Variants in FRMD4A observed in about 807,000 individuals in gnomAD.
The protein encoded by FRMD4A is FERM domain containing 4A, also known as FERM domain-containing protein 4A.
FRMD4A carries 29 observed loss-of-function variants against 129.1 expected under a neutral mutation model. The ratio of observed to expected loss-of-function variants is 0.22; its 90% confidence interval spans 0.17 to 0.31. FRMD4A has a LOEUF of 0.31. Ranked by LOEUF, FRMD4A falls within the 10% of genes least tolerant of loss-of-function variation. The probability of loss-of-function intolerance (pLI) is 1.00; values close to 1 mark genes in which losing one functional copy is unlikely to be tolerated. For synonymous variants in FRMD4A, 634 were observed against 571.6 expected, an observed-to-expected ratio of 1.11 and a Z score of -1.56; for missense variants, 1,272 against 1,375.8, an observed-to-expected ratio of 0.92 and a Z score of 1.19.
At chr10:14,022,108 G>C (rs1832785941) in intron 2 of FRMD4A, among the ~76,000 whole-genome samples, 1 of 152,156 alleles carries the variant, frequency 6.6e-6, no homozygotes, top group African/African-American at 2.4e-5. Flanking sequence ...CTTGCCTTTT[G>C]GATCTCAGGA....
intron 2 of FRMD4A, among the ~76,000 whole-genome samples, chr10:14,202,067 G>A (rs145800697): frequency 3.9e-5 from 6 of 152,088 alleles, no homozygotes; most frequent in South Asian, 2.1e-4. Flanking sequence ...GAACCCGGGA[G>A]GGGGAGGTTG....
At chr10:13,972,115 TC>T (rs982004963) in intron 2 of FRMD4A, 1 of 1,082,200 alleles carries the variant, frequency 9.2e-7, no homozygotes, top group Non-Finnish European at 1.1e-6. Flanking sequence ...TAACGGCACA[TC>T]CCTGTTTCTC....
intron 2 of FRMD4A, among the ~76,000 whole-genome samples, chr10:14,147,253 C>G (rs1840118915): frequency 6.6e-6 from 1 of 152,132 alleles, no homozygotes; most frequent in African/African-American, 2.4e-5. Flanking sequence ...AGAGCCAACC[C>G]TGATGGTCAT....
At chr10:14,272,294 C>CCCACAA (rs1423812112) in intron 2 of FRMD4A, among the ~76,000 whole-genome samples, 3 of 152,122 alleles carry the variant, frequency 2.0e-5, no homozygotes, top group Admixed American at 6.5e-5. Context: ...GTCACTTTCC[C>CCCACAA]CCACAACCAT....
chr10:13,937,692 GA>G (rs1004651561), intron 2 of FRMD4A, among the ~76,000 whole-genome samples: 2 of 151,704 alleles, frequency 1.3e-5, no homozygotes, highest in African/African-American at 2.4e-5. Flanking sequence ...AAACTGAAAT[GA>G]AAAAAAGGGA....
intron 9 of FRMD4A, among the ~76,000 whole-genome samples, chr10:13,743,257 G>A (rs1007311546): frequency 6.6e-6 from 1 of 152,154 alleles, no homozygotes; most frequent in African/African-American, 2.4e-5. Context: ...CGAAAAGCAT[G>A]CTCCCCAAGG....
intron 2 of FRMD4A, among the ~76,000 whole-genome samples, chr10:13,942,485 T>C (rs996405749): frequency 6.6e-6 from 1 of 152,172 alleles, no homozygotes; most frequent in African/African-American, 2.4e-5. Context: ...GCCCAGACTC[T>C]TGTCATTAGA....
chr10:13,777,897 C>T (rs2092636576), intron 6 of FRMD4A, among the ~76,000 whole-genome samples: 1 of 144,380 alleles, frequency 6.9e-6, no homozygotes, highest in Admixed American at 7.7e-5. Context: ...CTCCCGGGTT[C>T]GCTCAAGCAA....
intron 2 of FRMD4A, among the ~76,000 whole-genome samples, chr10:13,902,403 C>G (rs1485914138): frequency 7.1e-6 from 1 of 141,542 alleles, no homozygotes; most frequent in Non-Finnish European, 1.5e-5. Flanking sequence ...TTGGAGATAT[C>G]TATACATGGA....
intron 2 of FRMD4A, among the ~76,000 whole-genome samples, chr10:14,094,534 C>T (rs939483749): frequency 2.3e-4 from 35 of 152,122 alleles, no homozygotes; most frequent in Admixed American, 1.9e-3. Context: ...CAGGGTCACC[C>T]ATGCTGTTCC....
At chr10:14,193,834 C>T (rs1034502729) in intron 2 of FRMD4A, among the ~76,000 whole-genome samples, 4 of 152,132 alleles carry the variant, frequency 2.6e-5, no homozygotes, top group Admixed American at 6.6e-5. Flanking sequence ...GATGGAAATG[C>T]GTTGCTCCTT....
At chr10:13,815,927 G>C (rs2093534820) in intron 3 of FRMD4A, among the ~76,000 whole-genome samples, 1 of 152,178 alleles carries the variant, frequency 6.6e-6, no homozygotes, top group Admixed American at 6.5e-5. Flanking sequence ...GCCTTACCAT[G>C]GTGATATGTC....
chr10:14,205,859 A>G (rs1321873448), intron 2 of FRMD4A, among the ~76,000 whole-genome samples: 1 of 150,074 alleles, frequency 6.7e-6, no homozygotes, highest in Non-Finnish European at 1.5e-5. Context: ...GCAGGCCTCC[A>G]GGCCTCTGCT....
At chr10:14,177,679 G>A (rs1381153322) in intron 2 of FRMD4A, among the ~76,000 whole-genome samples, 8 of 152,094 alleles carry the variant, frequency 5.3e-5, no homozygotes, top group East Asian at 1.9e-4. Flanking sequence ...GTTTAAGGCC[G>A]GTTGTTTTCT....
intron 2 of FRMD4A, among the ~76,000 whole-genome samples, chr10:13,923,389 C>T (rs2095095108): frequency 6.6e-6 from 1 of 152,190 alleles, no homozygotes; most frequent in African/African-American, 2.4e-5. Flanking sequence ...ACATTTTCTC[C>T]TTCCAAACTA....
In FRMD4A at chr10:14,118,446, A is replaced by G. The variant is rs140063356; in HGVS notation, c.45+211612T>C. Among the ~76,000 whole-genome samples the G allele has an allele frequency of 5.4e-4, 82 of 152,346 alleles. No individual in the cohort carries two copies. In the East Asian group the frequency reaches 0.015, roughly 27 times the overall value. The stretch of plus-strand genomic sequence containing the variant: ...CAGGATCTTCTTCCCCTGAATGCCC[A>G]GAGTCTTGACTTACAAACTTTTGTT... On this transcript the variant is annotated intron_variant, in intron 2 of 24. Transcript: ENST00000357447.
At chr10:14,065,881 T>C (rs1835030533) in intron 2 of FRMD4A, among the ~76,000 whole-genome samples, 1 of 152,176 alleles carries the variant, frequency 6.6e-6, no homozygotes, top group South Asian at 2.1e-4. Context: ...CTTCTCTGCA[T>C]GTAGCAGGTT....
intron 2 of FRMD4A, among the ~76,000 whole-genome samples, chr10:14,123,502 G>T (rs1204434788): frequency 1.3e-5 from 2 of 152,208 alleles, no homozygotes; most frequent in African/African-American, 4.8e-5. Context: ...AGGAAAACTG[G>T]ATTTCTCTAG....
chr10:14,027,532 C>T (rs975766305), intron 2 of FRMD4A, among the ~76,000 whole-genome samples: 2 of 152,222 alleles, frequency 1.3e-5, no homozygotes, highest in Admixed American at 6.5e-5. Flanking sequence ...AGGAGAATTG[C>T]TTGAACCTGG....
Sources: allele counts gnomAD v4.1 joint callset (sites outside exome capture counted in the v4.1 genomes callset), GRCh38; gene constraint gnomAD v4.1.1; transcripts MANE v1.5; gene names NCBI Gene and HGNC (gene_info 2026-07-23, HGNC 2026-07-21).